The following RYR2 variants were observed in gnomAD, a reference collection of about 807,000 sequenced individuals.
The protein encoded by RYR2 is cardiac muscle ryanodine receptor-calcium release channel.
RYR2 carries 227 observed loss-of-function variants against 601.1 expected under a neutral mutation model. That is an observed-to-expected ratio of 0.38 (90% CI 0.34 to 0.42). The LOEUF is 0.42. Among genes scored for constraint, RYR2 ranks in the 10% least tolerant of loss-of-function variants. RYR2 has a pLI of 1.00. For missense variants in RYR2, 4,646 were observed against 6,156.5 expected, an observed-to-expected ratio of 0.75 and a Z score of 8.21; for synonymous variants, 2,223 against 2,175.1, an observed-to-expected ratio of 1.02 and a Z score of -0.61.
chr1:237,581,550 G>T (rs1340488855), intron 29 of RYR2, among the ~76,000 whole-genome samples: 1 of 152,190 alleles, frequency 6.6e-6, no homozygotes. Flanking sequence ...AAAAAAAGAA[G>T]CCAGGATATA....
chr1:237,246,822 T>C (rs1311480810), intron 1 of RYR2, among the ~76,000 whole-genome samples: 1 of 152,208 alleles, frequency 6.6e-6, no homozygotes, highest in Non-Finnish European at 1.5e-5. Context: ...TTGTTTCTGA[T>C]GATTTATTTT....
Position 237,657,989 on chromosome 1 carries a change from A to G in RYR2, c.8175A>G (p.Ala2725=). The change falls in exon 54 of 105, where the codon GCA becomes GCG. Residue 2725 remains alanine (A), a synonymous_variant. Transcript: ENST00000366574. ...EKLEYFINKY[A]EHSHDKWSMD... ...TGGAATACTTCATTAACAAATATGC[A>G]GAACACTCCCATGACAAATGGTCAA... 1 of 1,520,254 alleles carries G rather than the reference A, an allele frequency of 6.6e-7. No individual in the cohort carries two copies. Among genetic ancestry groups the G allele is most frequent in the Non-Finnish European group, 8.8e-7 (1 of 1,131,336 alleles). 94.2% of individuals were successfully genotyped at this position (1,520,254 alleles called of 1,614,324 possible).
rs1706043886 is a variant in RYR2, at chr1:237,425,323, C to A, written c.1005+2075C>A. 2.0e-5 allele frequency among the ~76,000 whole-genome samples: 3 copies of A among 152,238 alleles called. No homozygotes were observed. The South Asian group carries it at 6.2e-4, about 32-fold the overall frequency. The stretch of plus-strand genomic sequence containing the variant: ...GATATAGGGATCACCAACACCCCTC[C>A]CCCATGCAATTGAAATCTACATTTT... On this transcript the variant is annotated intron_variant, in intron 12 of 104. Transcript: ENST00000366574.
chr1:237,681,236 G>T (rs1451319660), intron 62 of RYR2, among the ~76,000 whole-genome samples: 1 of 152,210 alleles, frequency 6.6e-6, no homozygotes, highest in Non-Finnish European at 1.5e-5. Flanking sequence ...CAAGCTTTTA[G>T]ATTGTATCGG....
At chr1:237,713,930 A>G (rs572660406) in intron 71 of RYR2, among the ~76,000 whole-genome samples, 2 of 151,682 alleles carry the variant, frequency 1.3e-5, no homozygotes, top group South Asian at 4.2e-4. Flanking sequence ...ACAAAAAAGT[A>G]TCTTTTTATA....
At chr1:237,130,225 T>G (rs1672012917) in intron 1 of RYR2, among the ~76,000 whole-genome samples, 1 of 152,222 alleles carries the variant, frequency 6.6e-6, no homozygotes, top group African/African-American at 2.4e-5. Context: ...AATTTTTATT[T>G]GTGAATTATA....
chr1:237,216,787 A>AC (rs913901551), intron 1 of RYR2, among the ~76,000 whole-genome samples: 1 of 152,006 alleles, frequency 6.6e-6, no homozygotes, highest in African/African-American at 2.4e-5. Flanking sequence ...ACAAAACAAA[A>AC]AAAAGCAAGA....
At chr1:237,477,202 C>T (rs1255198982) in intron 17 of RYR2, among the ~76,000 whole-genome samples, 1 of 152,100 alleles carries the variant, frequency 6.6e-6, no homozygotes, top group Non-Finnish European at 1.5e-5. Context: ...ACCATCCTGG[C>T]CAACAAGGCG....
At chr1:237,557,433 T>C (rs2148167197) in intron 27 of RYR2, among the ~76,000 whole-genome samples, 1 of 152,230 alleles carries the variant, frequency 6.6e-6, no homozygotes. Context: ...GAGAGAATAG[T>C]ATATGTAAAG....
intron 19 of RYR2, among the ~76,000 whole-genome samples, chr1:237,494,790 A>G (rs1056540795): frequency 6.6e-6 from 1 of 152,008 alleles, no homozygotes; most frequent in African/African-American, 2.4e-5. Flanking sequence ...GTGTATTTCT[A>G]TGATGTGTTT....
intron 1 of RYR2, among the ~76,000 whole-genome samples, chr1:237,083,238 C>T (rs574729989): frequency 3.9e-5 from 6 of 152,278 alleles, no homozygotes; most frequent in East Asian, 1.9e-4. Context: ...AAATTCCTCA[C>T]GACCATGTAG....
At chr1:237,653,370 C>A (rs2148814015) in intron 51 of RYR2, among the ~76,000 whole-genome samples, 1 of 152,266 alleles carries the variant, frequency 6.6e-6, no homozygotes, top group Admixed American at 6.5e-5. Context: ...TGACATCAGT[C>A]CCTTCATTTT....
intron 25 of RYR2, among the ~76,000 whole-genome samples, chr1:237,539,609 A>G (rs1190168258): frequency 2.0e-5 from 3 of 152,182 alleles, no homozygotes; most frequent in Admixed American, 2.0e-4. Flanking sequence ...CAAACACTGC[A>G]TGTTCTCACT....
At chr1:237,323,469 A>G (rs1175431137) in intron 2 of RYR2, among the ~76,000 whole-genome samples, 1 of 152,198 alleles carries the variant, frequency 6.6e-6, no homozygotes, top group African/African-American at 2.4e-5. Flanking sequence ...GTATGATGGA[A>G]TGGTTCATCC....
intron 1 of RYR2, among the ~76,000 whole-genome samples, chr1:237,093,556 C>T (rs1667197063): frequency 6.6e-6 from 1 of 152,122 alleles, no homozygotes; most frequent in Non-Finnish European, 1.5e-5. Context: ...TGGAAGAGAG[C>T]AGTTTCATCC....
rs960655084 is a variant in RYR2, at chr1:237,396,636, C to G, written c.773+8453C>G. ...TTCTGCAAGGCATCTCTCTTCCTGA[C>G]TCTCAGTCCCCAAAGACTAAATCTA... On this transcript the variant is annotated intron_variant, in intron 10 of 104. Coordinates refer to ENST00000366574, the MANE Select transcript of RYR2 (RefSeq NM_001035.3). Among the ~76,000 whole-genome samples the G allele has an allele frequency of 3.3e-5, 5 of 152,184 alleles. No homozygotes were observed. In the South Asian group the frequency reaches 1.0e-3, roughly 31 times the overall value.
chr1:237,350,981 G>A (rs1698790497), intron 3 of RYR2, among the ~76,000 whole-genome samples: 1 of 147,988 alleles, frequency 6.8e-6, no homozygotes, highest in Non-Finnish European at 1.5e-5. Flanking sequence ...TGTTTCAAGT[G>A]CAGATGGAGC....
At chr1:237,478,790 AC>A (rs10559702) in intron 17 of RYR2, among the ~76,000 whole-genome samples, 4 of 151,094 alleles carry the variant, frequency 2.6e-5, no homozygotes, top group Non-Finnish European at 3.0e-5. Flanking sequence ...GCCTTAAGGG[AC>A]CCCCCTACCC....
At position 237,700,355 on chromosome 1, in the gene RYR2, C is replaced by G; in HGVS notation, c.9255C>G (p.Asn3085Lys). 2 of 1,604,762 alleles carry G rather than the reference C, an allele frequency of 1.2e-6. No individual in the cohort carries two copies. The highest frequency in any genetic ancestry group is 2.2e-5 in the South Asian group (2 of 89,082). Residue 3085 changes from asparagine (N) to lysine (K), a missense_variant, in exon 65 of 105, where the codon AAC becomes AAG. Coordinates refer to ENST00000366574, the MANE Select transcript of RYR2 (RefSeq NM_001035.3). ...LKQGQFTHTRNQPKGVTQIIN... is the reference protein window; with the variant it reads ...LKQGQFTHTRKQPKGVTQIIN... ...AGGGCCAGTTCACTCACACCCGAAACCAGCCCAAAGGGGTTACTCAGATTA... is the reference window on the plus strand; with the variant it reads ...AGGGCCAGTTCACTCACACCCGAAAGCAGCCCAAAGGGGTTACTCAGATTA...
Sources: allele counts gnomAD v4.1 joint callset (sites outside exome capture counted in the v4.1 genomes callset), GRCh38; gene constraint gnomAD v4.1.1; transcripts MANE v1.5; gene names NCBI Gene and HGNC (gene_info 2026-07-23, HGNC 2026-07-21).